HTR2C: variants seen among roughly 807,000 people sequenced by gnomAD.
HTR2C encodes the protein 5-hydroxytryptamine (serotonin) receptor 2C, G protein-coupled.
Under a neutral mutation model 21.0 loss-of-function variants are expected in HTR2C, and 5 were observed. The ratio of observed to expected loss-of-function variants is 0.24; its 90% CI spans 0.12 to 0.50. The LOEUF (loss-of-function observed/expected upper bound fraction) is 0.50, where lower values mean the gene tolerates loss of function less well. HTR2C is among the 20% of genes least tolerant of loss of function. The pLI, the probability that HTR2C is intolerant of heterozygous loss-of-function variation, is 0.98. For missense variants in HTR2C, 271 were observed against 371.2 expected, an observed-to-expected ratio of 0.73 and a Z score of 2.22; for synonymous variants, 150 against 145.3, an observed-to-expected ratio of 1.03 and a Z score of -0.23.
intron 2 of HTR2C, among the ~76,000 whole-genome samples, chrX:114,682,622 C>T (rs1339528598): frequency 3.6e-5 from 4 of 111,173 alleles, no homozygotes; most frequent in Admixed American, 9.6e-5. Context: ...AGTAGGGCTC[C>T]TGACATTCTT....
intron 1 of HTR2C, among the ~76,000 whole-genome samples, chrX:114,611,127 A>C (rs1025145381): frequency 8.0e-5 from 9 of 111,939 alleles, no homozygotes; most frequent in East Asian, 5.6e-4. Context: ...GGGAAAAAAA[A>C]CGCAAAAATA....
intron 2 of HTR2C, among the ~76,000 whole-genome samples, chrX:114,659,943 A>C (rs1930924734): frequency 8.9e-6 from 1 of 111,771 alleles, no homozygotes; most frequent in Admixed American, 9.6e-5. Flanking sequence ...ATTTTAAAAT[A>C]AGAAGTAAAT....
intron 2 of HTR2C, among the ~76,000 whole-genome samples, chrX:114,647,340 A>G (rs782217326): frequency 1.8e-5 from 2 of 112,309 alleles, no homozygotes; most frequent in South Asian, 7.5e-4. Flanking sequence ...ATCACATTGT[A>G]TCCCATAAAT....
intron 5 of HTR2C, among the ~76,000 whole-genome samples, chrX:114,849,480 A>G (rs1383365316): frequency 8.9e-6 from 1 of 112,537 alleles, no homozygotes; most frequent in East Asian, 2.8e-4. Flanking sequence ...TATGACTTCT[A>G]GTTCACTTTT....
intron 2 of HTR2C, among the ~76,000 whole-genome samples, chrX:114,665,016 T>C (rs1274242323): frequency 8.9e-6 from 1 of 112,544 alleles, no homozygotes; most frequent in Non-Finnish European, 1.9e-5. Context: ...CTAGATCTAA[T>C]TGACTTTCCT....
chrX:114,797,578 A>G (rs1441696690), intron 4 of HTR2C, among the ~76,000 whole-genome samples: 4 of 111,924 alleles, frequency 3.6e-5, no homozygotes, highest in Non-Finnish European at 7.5e-5. Flanking sequence ...GCCTTAAAGT[A>G]ATTAAAGGAA....
At chrX:114,657,205 A>T (rs1245215470) in intron 2 of HTR2C, among the ~76,000 whole-genome samples, 4 of 111,098 alleles carry the variant, frequency 3.6e-5, no homozygotes, top group Non-Finnish European at 7.6e-5. Context: ...TACATTTTCC[A>T]TAACCCGATT....
At chrX:114,726,554 C>G (rs1181880339) in intron 2 of HTR2C, among the ~76,000 whole-genome samples, 1 of 112,259 alleles carries the variant, frequency 8.9e-6, no homozygotes, top group African/African-American at 3.2e-5. Context: ...AGAATATATT[C>G]TTAATTTCTT....
At chrX:114,721,064 C>T (rs1237195748) in intron 2 of HTR2C, among the ~76,000 whole-genome samples, 2 of 79,115 alleles carry the variant, frequency 2.5e-5, no homozygotes, top group African/African-American at 9.7e-5. Context: ...ATGGTATTTC[C>T]AGTTCTAGAT....
chrX:114,632,885 C>T (rs1391403152), intron 2 of HTR2C, among the ~76,000 whole-genome samples: 1 of 110,423 alleles, frequency 9.1e-6, no homozygotes, highest in African/African-American at 3.3e-5. Context: ...CTCACGTGAC[C>T]TAATAACCTT....
chrX:114,637,598 G>A (rs1276572748), intron 2 of HTR2C, among the ~76,000 whole-genome samples: 1 of 111,760 alleles, frequency 8.9e-6, no homozygotes, highest in South Asian at 3.8e-4. Context: ...CATCGTGTAT[G>A]TGTGTCGGTA....
chrX:114,790,344 A>G (rs1255663283), intron 4 of HTR2C, among the ~76,000 whole-genome samples: 3 of 111,806 alleles, frequency 2.7e-5, no homozygotes, highest in African/African-American at 9.7e-5. Flanking sequence ...ACTCCTACTC[A>G]TTTTATTGCA....
chrX:114,906,015 C>A (rs1261869234), intron 5 of HTR2C, among the ~76,000 whole-genome samples: 1 of 111,562 alleles, frequency 9.0e-6, no homozygotes, highest in Non-Finnish European at 1.9e-5. Context: ...CAAACAAAAA[C>A]CCTTGCTAAA....
chrX:114,824,333 C>T (rs1373711693), intron 4 of HTR2C, among the ~76,000 whole-genome samples: 4 of 111,693 alleles, frequency 3.6e-5, no homozygotes, highest in Non-Finnish European at 7.5e-5. Flanking sequence ...TCCAGCCAAT[C>T]CTAGCGGCCC....
intron 2 of HTR2C, among the ~76,000 whole-genome samples, chrX:114,643,023 A>T (rs1930198566): frequency 9.0e-6 from 1 of 111,498 alleles, no homozygotes; most frequent in Non-Finnish European, 1.9e-5. Context: ...ATTTTCTACA[A>T]AAATAACTTG....
intron 5 of HTR2C, among the ~76,000 whole-genome samples, chrX:114,887,776 C>G (rs1376189226): frequency 9.0e-6 from 1 of 110,747 alleles, no homozygotes; most frequent in East Asian, 2.8e-4. Flanking sequence ...AATCCCAGCA[C>G]TTTGGGAGGC....
At chrX:114,785,404 G>T (rs1377783914) in intron 4 of HTR2C, among the ~76,000 whole-genome samples, 1 of 111,700 alleles carries the variant, frequency 9.0e-6, no homozygotes, top group Non-Finnish European at 1.9e-5. Flanking sequence ...GAAAATTGAA[G>T]GAAGCGACTT....
At chrX:114,602,491 A>T in intron 1 of HTR2C, among the ~76,000 whole-genome samples, 2 of 53,828 alleles carry the variant, frequency 3.7e-5, no homozygotes, top group African/African-American at 1.5e-4. Context: ...GAGCTTGGTG[A>T]GGTGTGTTTT....
intron 3 of HTR2C, among the ~76,000 whole-genome samples, chrX:114,727,390 A>T (rs1196867543): frequency 1.8e-5 from 2 of 111,695 alleles, no homozygotes; most frequent in Non-Finnish European, 3.8e-5. Flanking sequence ...AAGTTAGGGG[A>T]TAGGGCTTGG....
Sources: gnomAD v4.1 joint callset for allele counts (sites outside exome capture counted in the v4.1 genomes callset) on GRCh38, gnomAD v4.1.1 for gene constraint, MANE v1.5 for transcripts, NCBI Gene and HGNC (gene_info 2026-07-23, HGNC 2026-07-21) for gene names.